Variants in RSF1 observed in about 807,000 individuals in gnomAD.
The protein encoded by RSF1 is HBV pX-associated protein 8.
In RSF1, 13 loss-of-function variants were observed where a neutral mutation model predicts 145.2. The observed-to-expected ratio is 0.09, with a 90% CI of 0.06 to 0.14. The LOEUF is 0.14. RSF1 is among the 10% of genes least tolerant of loss of function. The pLI, the probability that RSF1 is intolerant of heterozygous loss-of-function variation, is 1.00. For missense variants in RSF1, 1,517 were observed against 1,718.2 expected, an observed-to-expected ratio of 0.88 and a Z score of 2.07; for synonymous variants, 577 against 592.6, an observed-to-expected ratio of 0.97 and a Z score of 0.38.
chr11:77,679,093 G>GCAGC (rs1451289908), intron 11 of RSF1, among the ~76,000 whole-genome samples: 1 of 152,146 alleles, frequency 6.6e-6, no homozygotes, highest in Non-Finnish European at 1.5e-5. Context: ...GTAGTGCAAA[G>GCAGC]CAGCTACGGA....
chr11:77,678,252 T>C (rs1018134620), intron 11 of RSF1, 99 bp from the exon 12 acceptor site: 3 of 651,980 alleles, frequency 4.6e-6, no homozygotes, highest in Non-Finnish European at 6.8e-6. Context: ...GAGTCTCTCT[T>C]TGTTGCCAGG....
chr11:77,818,409 G>C (rs1007205765), intron 1 of RSF1, among the ~76,000 whole-genome samples: 10 of 152,220 alleles, frequency 6.6e-5, no homozygotes, highest in African/African-American at 2.4e-4. Flanking sequence ...CGTTCTCTGA[G>C]AGATACATTA....
At chr11:77,820,962 T>TCTC (rs1948870914), upstream of RSF1, 1 of 544,086 alleles carries the variant, frequency 1.8e-6, no homozygotes, top group Non-Finnish European at 3.2e-6. Flanking sequence ...TCCGCCCCCT[T>TCTC]CTCTCCTCCC....
chr11:77,794,214 C>T (rs550184102), intron 1 of RSF1, among the ~76,000 whole-genome samples: 4 of 152,284 alleles, frequency 2.6e-5, no homozygotes, highest in Admixed American at 2.6e-4. Context: ...ACTGAACATT[C>T]TAACTAACTG....
Position 77,758,838 on chromosome 11 carries a change from T to A in RSF1, c.279+5760A>T, listed in dbSNP as rs771683266. On this transcript the variant is annotated intron_variant, in intron 2 of 15. Transcript: ENST00000308488. ...ATGTATTCCAAATATTAAATGCTTA[T>A]CAGTTATATGATTTGCAATACGTGC... Among the ~76,000 whole-genome samples, 3 of 150,942 alleles carry A rather than the reference T, an allele frequency of 2.0e-5. No individual in the cohort carries two copies. The South Asian group carries it at 6.2e-4, about 31-fold the overall frequency.
At chr11:77,751,991 T>C (rs1590867225) in intron 2 of RSF1, among the ~76,000 whole-genome samples, 1 of 152,264 alleles carries the variant, frequency 6.6e-6, no homozygotes, top group Admixed American at 6.5e-5. Flanking sequence ...CAAATATTAC[T>C]ATGTGCAGAC....
Position 77,721,360 on chromosome 11 carries a change from T to A in RSF1, c.733+4185A>T, listed in dbSNP as rs982440116. 3.3e-5 allele frequency among the ~76,000 whole-genome samples: 5 copies of A among 152,200 alleles called. No homozygotes were observed. The South Asian group carries it at 1.0e-3, about 32-fold the overall frequency. On this transcript the variant is annotated intron_variant, in intron 5 of 15. Coordinates refer to ENST00000308488, the MANE Select transcript of RSF1 (RefSeq NM_016578.4). ...ATAAAAATGACAGAACAGAATCATA[T>A]TTATTTGGTCTTGCCATGGAATAGA...
At chr11:77,829,487 T>C in the RSF1 span, among the ~76,000 whole-genome samples, 1 of 152,182 alleles carries the variant, frequency 6.6e-6, no homozygotes, top group South Asian at 2.1e-4. Flanking sequence ...AAAATAAACA[T>C]ACCAAGACCA....
At chr11:77,842,547 A>G in the RSF1 span, 5 of 1,614,046 alleles carry the variant, frequency 3.1e-6, no homozygotes, top group Non-Finnish European at 4.2e-6. Context: ...TGAAAGTAAA[A>G]GGCTCTAATA....
Position 77,701,071 on chromosome 11 carries a change from C to G in RSF1, c.2158G>C (p.Glu720Gln). 6.2e-7 allele frequency: 1 copy of G among 1,613,812 alleles called. No individual in the cohort carries two copies. Among genetic ancestry groups the G allele is most frequent in the Non-Finnish European group, 8.5e-7 (1 of 1,180,002 alleles). ...LVPEEETTASENTEITSERQK... is the reference protein window; with the variant it reads ...LVPEEETTASQNTEITSERQK... ...CTTTCAGAGGTTATCTCTGTATTTT[C>G]TGAGGCAGTGGTTTCTTCTTCAGGA... Residue 720 changes from glutamate (E) to glutamine (Q), a missense_variant, in exon 6 of 16, where the codon GAA becomes CAA. By Grantham distance (29) the Glu-to-Gln change is conservative (BLOSUM62 2). Transcript: ENST00000308488.
At chr11:77,779,790 T>C (rs1199789312) in intron 1 of RSF1, among the ~76,000 whole-genome samples, 4 of 152,186 alleles carry the variant, frequency 2.6e-5, no homozygotes, top group Admixed American at 6.5e-5. Context: ...AAAAGGTTAG[T>C]TTTTCTCATG....
chr11:77,833,174 T>C, the RSF1 span, among the ~76,000 whole-genome samples: 1 of 151,656 alleles, frequency 6.6e-6, no homozygotes, highest in Non-Finnish European at 1.5e-5. Context: ...CACACCCAGC[T>C]AATGTTTGCA....
intron 1 of RSF1, among the ~76,000 whole-genome samples, chr11:77,812,275 A>T (rs1354236347): frequency 6.6e-6 from 1 of 152,230 alleles, no homozygotes; most frequent in Non-Finnish European, 1.5e-5. Flanking sequence ...GGTGATTATC[A>T]AAGAAATGCA....
chr11:77,681,150 T>G (rs145373055), intron 11 of RSF1, among the ~76,000 whole-genome samples: 1 of 152,254 alleles, frequency 6.6e-6, no homozygotes, highest in Non-Finnish European at 1.5e-5. Context: ...GATTTCTGAA[T>G]ACAACACTCC....
At chr11:77,693,632 T>A (rs753842305) in intron 7 of RSF1, 21 bp from the exon 8 acceptor site, 5 of 1,548,844 alleles carry the variant, frequency 3.2e-6, no homozygotes, top group Non-Finnish European at 4.5e-6. Flanking sequence ...CACACTGATG[T>A]CAACCTAACT....
chr11:77,813,001 C>CTT (rs1034038752), intron 1 of RSF1, among the ~76,000 whole-genome samples: 2 of 151,658 alleles, frequency 1.3e-5, no homozygotes, highest in African/African-American at 2.4e-5. Context: ...CTAAGCATAA[C>CTT]TTTTAATTCT....
At chr11:77,738,258 GTAT>G (rs1433096244) in intron 4 of RSF1, among the ~76,000 whole-genome samples, 4 of 152,184 alleles carry the variant, frequency 2.6e-5, no homozygotes, top group South Asian at 4.1e-4. Context: ...TTTTGAGGAA[GTAT>G]TATCACTTTC....
At chr11:77,841,965 AACTTC>A in the RSF1 span, among the ~76,000 whole-genome samples, 10 of 152,186 alleles carry the variant, frequency 6.6e-5, no homozygotes, top group Non-Finnish European at 1.2e-4. Context: ...AACCTACTTG[AACTTC>A]ACTTACAACA....
At chr11:77,782,055 T>C (rs1224228359) in intron 1 of RSF1, among the ~76,000 whole-genome samples, 1 of 152,220 alleles carries the variant, frequency 6.6e-6, no homozygotes, top group African/African-American at 2.4e-5. Context: ...GAGTTTTGAG[T>C]ATCATTTTCC....
Sources: allele counts gnomAD v4.1 joint callset (sites outside exome capture counted in the v4.1 genomes callset), GRCh38; gene constraint gnomAD v4.1.1; transcripts MANE v1.5; gene names NCBI Gene and HGNC (gene_info 2026-07-23, HGNC 2026-07-21).